ODAD1: variants seen among roughly 807,000 people sequenced by gnomAD.
ODAD1 encodes outer dynein arm-docking complex subunit 1.
A neutral mutation model predicts 67.2 loss-of-function variants in ODAD1; 49 were observed. The observed-to-expected ratio is 0.73, with a 90% CI of 0.58 to 0.92. ODAD1 has a LOEUF of 0.92. ODAD1 is among the 40% of genes least tolerant of loss of function. The pLI, the probability that ODAD1 is intolerant of heterozygous loss-of-function variation, is 0.00. For synonymous variants in ODAD1, 345 were observed against 393.7 expected, an observed-to-expected ratio of 0.88 and a Z score of 1.46; for missense variants, 897 against 953.7, an observed-to-expected ratio of 0.94 and a Z score of 0.78.
chr19:48,302,678 G>A lies in ODAD1; in HGVS notation c.1240+16C>T, dbSNP rs1206637510. The A allele has an allele frequency of 9.4e-6, 15 of 1,599,046 alleles. No individual in the cohort carries two copies. The highest frequency in any genetic ancestry group is 1.2e-5 in the Non-Finnish European group (14 of 1,174,496). ...GGAGAAGCCAGGCTCGGGAGGGGGC[G>A]CCCATGGGTGCTCACCAGCCTTGAG... On this transcript the variant is annotated intron_variant, in intron 12 of 15. Transcript: ENST00000674294.
At chr19:48,306,920 C>A (rs1025887903) in intron 7 of ODAD1, among the ~76,000 whole-genome samples, 1 of 151,024 alleles carries the variant, frequency 6.6e-6, no homozygotes, top group Non-Finnish European at 1.5e-5. Context: ...CGGTGGCTCA[C>A]GACTGTAATC....
At position 48,303,725 on chromosome 19, in the gene ODAD1, C is replaced by T. The variant is rs1284088961; in HGVS notation, c.913G>A (p.Glu305Lys). The T allele has an allele frequency of 5.0e-6, 8 of 1,613,910 alleles. No homozygotes were observed. The highest frequency in any genetic ancestry group is 1.7e-5 in the Admixed American group (1 of 59,968). Reference protein sequence around the residue: ...TSQERLVLCYEDALNKLSQLM... With the variant: ...TSQERLVLCYKDALNKLSQLM... ...TGGGACAGTTTATTCAGGGCGTCCT[C>T]GTAGCAAAGCACCAGCCTCTCCTGG... The change falls in exon 10 of 16, where the codon GAG becomes AAG. Residue 305 changes from glutamate (E) to lysine (K), a missense_variant. Coordinates refer to ENST00000674294, the MANE Select transcript of ODAD1 (RefSeq NM_001364171.2).
chr19:48,316,009 T>C (rs1968888898), intron 5 of ODAD1, among the ~76,000 whole-genome samples: 1 of 152,216 alleles, frequency 6.6e-6, no homozygotes, highest in Admixed American at 6.5e-5. Context: ...GACATGTGCT[T>C]TCTTTCCTCT....
intron 8 of ODAD1, among the ~76,000 whole-genome samples, chr19:48,305,631 C>G (rs1250012187): frequency 6.6e-6 from 1 of 151,974 alleles, no homozygotes; most frequent in Non-Finnish European, 1.5e-5. Context: ...GTCTCGAACT[C>G]CTGAGCTCAA....
intron 5 of ODAD1, among the ~76,000 whole-genome samples, chr19:48,313,325 G>A (rs2147329819): frequency 6.6e-6 from 1 of 151,658 alleles, no homozygotes; most frequent in East Asian, 1.9e-4. Context: ...CTACTCGGGA[G>A]GCTGAGGCAG....
intron 5 of ODAD1, among the ~76,000 whole-genome samples, chr19:48,313,447 C>CAAAAAA (rs1569010166): frequency 1.3e-5 from 1 of 74,516 alleles, no homozygotes; most frequent in Non-Finnish European, 2.7e-5. Context: ...AAAAAAAAAA[C>CAAAAAA]CAAAAAAAAA....
intron 3 of ODAD1, chr19:48,319,564 G>A (rs545418268): frequency 6.4e-4 from 216 of 337,072 alleles, no homozygotes; most frequent in African/African-American, 4.5e-3. Flanking sequence ...GTCTCGCTCT[G>A]TCCCCCAGGC....
rs1349458811 is a variant in ODAD1, at chr19:48,305,431, G to T, written c.665+825C>A. ...TTTTTTTTTTTTCTCCTGAGACGGA[G>T]TCTCACTCTGTTGCCCAGGCTGGAA... is the stretch of plus-strand genomic sequence containing the variant. On this transcript the variant is annotated intron_variant, in intron 8 of 15. Coordinates refer to ENST00000674294, the MANE Select transcript of ODAD1 (RefSeq NM_001364171.2). 2.7e-5 allele frequency among the ~76,000 whole-genome samples: 4 copies of T among 150,238 alleles called. No homozygotes were observed. The East Asian group carries it at 7.8e-4, about 29-fold the overall frequency.
At chr19:48,307,582 G>T (rs568116608) in intron 7 of ODAD1, among the ~76,000 whole-genome samples, 2 of 152,122 alleles carry the variant, frequency 1.3e-5, no homozygotes, top group Non-Finnish European at 2.9e-5. Flanking sequence ...GTGGGAGGCC[G>T]AGGTGGGCGG....
intron 8 of ODAD1, among the ~76,000 whole-genome samples, chr19:48,305,633 T>G (rs12973521): frequency 6.6e-6 from 1 of 151,904 alleles, no homozygotes; most frequent in East Asian, 2.0e-4. Flanking sequence ...CTCGAACTCC[T>G]GAGCTCAAGC....
At chr19:48,311,792 C>T in intron 6 of ODAD1, 126 bp from the exon 7 acceptor site, 1 of 785,702 alleles carries the variant, frequency 1.3e-6, no homozygotes, top group Non-Finnish European at 2.1e-6. Flanking sequence ...AACAGAGGTT[C>T]TTTGGGGTTC....
chr19:48,311,775 C>T, intron 6 of ODAD1, 109 bp from the exon 7 acceptor site: 1 of 827,798 alleles, frequency 1.2e-6, no homozygotes, highest in Non-Finnish European at 2.0e-6. Context: ...CGGCCTGTTT[C>T]CTGAGAAACA....
chr19:48,304,349 G>A (rs1228915581), intron 8 of ODAD1, among the ~76,000 whole-genome samples: 1 of 152,186 alleles, frequency 6.6e-6, no homozygotes, highest in Non-Finnish European at 1.5e-5. Context: ...GAACTGGCTG[G>A]GCACGGTGGC....
At chr19:48,297,762 C>T (rs555172880) in intron 14 of ODAD1, 94 bp from the exon 15 acceptor site, 1 of 1,135,964 alleles carries the variant, frequency 8.8e-7, no homozygotes, top group African/African-American at 1.6e-5. Context: ...CTCAGCCATT[C>T]TCCCACCAGC....
Position 48,297,199 on chromosome 19 carries a change from C to T in ODAD1, c.1901G>A (p.Gly634Asp). The T allele has an allele frequency of 6.2e-7, 1 of 1,614,086 alleles. No individual in the cohort carries two copies. The highest frequency in any genetic ancestry group is 8.5e-7 in the Non-Finnish European group (1 of 1,180,010). The change falls in exon 16 of 16, where the codon GGC (glycine) becomes GAC (aspartate). Residue 634 changes from glycine (G) to aspartate (D), a missense_variant. Transcript: ENST00000674294. The stretch of plus-strand genomic sequence containing the variant: ...GCTGACGGGTCTGAAGGTCACGTGG[C>T]CCCCACTCGAGGCACTGGTGGAGCC... ...TFGSTSASSG[G>D]HVTFRPVSAS...
At position 48,318,777 on chromosome 19, in the gene ODAD1, T is replaced by C. The variant is rs1968968358; in HGVS notation, c.106A>G (p.Lys36Glu). The change falls in exon 4 of 16, where the codon AAA (lysine) becomes GAA (glutamate). Residue 36 changes from lysine to glutamate, a missense_variant. Transcript: ENST00000674294. ...WELSRLQRQC[K>E]VMEGERRAYS... ...GCCCGCCTCTCCCCTTCCATCACTT[T>C]GCATTGTCGCTGCAGCCTACTCAGC... 6.4e-7 allele frequency: 1 copy of C among 1,551,306 alleles called. No individual in the cohort carries two copies. The highest frequency in any genetic ancestry group is 8.7e-7 in the Non-Finnish European group (1 of 1,146,792).
At chr19:48,306,788 C>G (rs1968618368) in intron 7 of ODAD1, among the ~76,000 whole-genome samples, 1 of 151,422 alleles carries the variant, frequency 6.6e-6, no homozygotes. Context: ...GGCTCAGGCC[C>G]ATAATCCCAG....
Position 48,302,548 on chromosome 19 carries a change from C to A in ODAD1, c.1240+146G>T, listed in dbSNP as rs1210648176. 5.8e-5 allele frequency: 37 copies of A among 635,436 alleles called. No individual in the cohort carries two copies. The East Asian group carries it at 1.0e-3, about 17-fold the overall frequency. 39.4% of individuals were successfully genotyped at this position (635,436 alleles called of 1,614,324 possible). On this transcript the variant is annotated intron_variant, in intron 12 of 15. Transcript: ENST00000674294. ...GACATGGGACAGTTGGAGGGATAGACCCTGGTTGGAAAGATGGACAGATAT... is the reference window on the plus strand; with the variant it reads ...GACATGGGACAGTTGGAGGGATAGAACCTGGTTGGAAAGATGGACAGATAT...
chr19:48,321,065 C>T lies in ODAD1; in HGVS notation c.-63-254G>A, dbSNP rs186370757. Among the ~76,000 whole-genome samples, 123 of 152,232 alleles carry T rather than the reference C, an allele frequency of 8.1e-4. 1 individual carries two copies. Among genetic ancestry groups the T allele is most frequent in the South Asian group, 4.3e-3 (21 of 4,832 alleles). On this transcript the variant is annotated intron_variant, in intron 1 of 15. Coordinates refer to ENST00000674294, the MANE Select transcript of ODAD1 (RefSeq NM_001364171.2). The stretch of plus-strand genomic sequence containing the variant: ...CAACCTGGCCAACATGGTGAAACCC[C>T]GTCTCTACTAAAAGTACAAAAAATT...
Sources: gnomAD v4.1 joint callset for allele counts (sites outside exome capture counted in the v4.1 genomes callset) on GRCh38, gnomAD v4.1.1 for gene constraint, MANE v1.5 for transcripts, NCBI Gene and HGNC (gene_info 2026-07-23, HGNC 2026-07-21) for gene names.